Variants in RIMKLB observed in about 807,000 individuals in gnomAD.
RIMKLB encodes the protein beta-citrylglutamate synthase B.
RIMKLB carries 7 observed loss-of-function variants against 32.0 expected under a neutral mutation model. The ratio of observed to expected loss-of-function variants is 0.22; its 90% confidence interval spans 0.12 to 0.41. The LOEUF (loss-of-function observed/expected upper bound fraction) is 0.41, where lower values mean the gene tolerates loss of function less well. Among genes scored for constraint, RIMKLB ranks in the 10% least tolerant of loss-of-function variants. The pLI is 1.00. For synonymous variants in RIMKLB, 172 were observed against 185.1 expected, an observed-to-expected ratio of 0.93 and a Z score of 0.57; for missense variants, 289 against 498.7, an observed-to-expected ratio of 0.58 and a Z score of 4.00.
intron 2 of RIMKLB, among the ~76,000 whole-genome samples, chr12:8,729,263 G>A (rs886898297): frequency 2.1e-4 from 32 of 151,916 alleles, no homozygotes; most frequent in African/African-American, 6.8e-4. Context: ...GAATCAGGTC[G>A]CATAAGTGAA....
At chr12:8,755,613 A>C (rs1948959258) in intron 5 of RIMKLB, among the ~76,000 whole-genome samples, 1 of 152,156 alleles carries the variant, frequency 6.6e-6, no homozygotes, top group African/African-American at 2.4e-5. Flanking sequence ...TAGCCCCTTA[A>C]GGGGTCTTCT....
chr12:8,751,113 GT>G (rs1291165727), intron 3 of RIMKLB, among the ~76,000 whole-genome samples: 1 of 152,128 alleles, frequency 6.6e-6, no homozygotes, highest in African/African-American at 2.4e-5. Flanking sequence ...TGAGAATTCT[GT>G]GTTTTTAGTG....
At chr12:8,684,514 G>C (rs977855950) in intron 1 of RIMKLB, among the ~76,000 whole-genome samples, 1 of 151,866 alleles carries the variant, frequency 6.6e-6, no homozygotes, top group Admixed American at 6.6e-5. Flanking sequence ...GGTATCTTTT[G>C]CATTTTGCAT....
chr12:8,696,317 G>A (rs1942888587), upstream of RIMKLB, among the ~76,000 whole-genome samples: 1 of 152,164 alleles, frequency 6.6e-6, no homozygotes, highest in Non-Finnish European at 1.5e-5. Context: ...TATCAGAGTG[G>A]AAGTAAATAG....
At chr12:8,701,105 T>G (rs997821262) in intron 1 of RIMKLB, among the ~76,000 whole-genome samples, 4 of 152,074 alleles carry the variant, frequency 2.6e-5, no homozygotes, top group African/African-American at 7.2e-5. Context: ...TATTAGAATC[T>G]GAGGGAGGAG....
chr12:8,693,276 A>G (rs910208554), upstream of RIMKLB, among the ~76,000 whole-genome samples: 1 of 152,214 alleles, frequency 6.6e-6, no homozygotes, highest in Non-Finnish European at 1.5e-5. Context: ...TAACTCTGTT[A>G]GGGAAGATTT....
intron 2 of RIMKLB, among the ~76,000 whole-genome samples, chr12:8,732,053 G>T: frequency 6.6e-6 from 1 of 151,782 alleles, no homozygotes; most frequent in Non-Finnish European, 1.5e-5. Flanking sequence ...AGTAACTTTG[G>T]TTGCTTCTGC....
intron 2 of RIMKLB, among the ~76,000 whole-genome samples, chr12:8,746,960 C>T (rs776673854): frequency 3.3e-5 from 5 of 152,142 alleles, no homozygotes; most frequent in South Asian, 2.1e-4. Context: ...AGGCTAGTTT[C>T]GAATTCCTAA....
At chr12:8,685,134 C>T (rs979955474) in intron 1 of RIMKLB, among the ~76,000 whole-genome samples, 1 of 152,078 alleles carries the variant, frequency 6.6e-6, no homozygotes, top group African/African-American at 2.4e-5. Flanking sequence ...CATTTTATTT[C>T]CTTTTCATGT....
chr12:8,760,389 T>C (rs1949418572), intron 5 of RIMKLB, among the ~76,000 whole-genome samples: 1 of 152,232 alleles, frequency 6.6e-6, no homozygotes, highest in Non-Finnish European at 1.5e-5. Flanking sequence ...TTGTGAATAG[T>C]GCCACAATAA....
intron 1 of RIMKLB, among the ~76,000 whole-genome samples, chr12:8,710,546 T>G (rs1944290296): frequency 6.6e-6 from 1 of 152,108 alleles, no homozygotes. Flanking sequence ...GACCAAGTGA[T>G]CCGCCCACCT....
intron 2 of RIMKLB, among the ~76,000 whole-genome samples, chr12:8,735,110 A>G (rs1426838622): frequency 6.6e-6 from 1 of 152,238 alleles, no homozygotes; most frequent in Non-Finnish European, 1.5e-5. Flanking sequence ...GAAAGTTTGT[A>G]GGTCAAATCA....
At chr12:8,707,544 C>T (rs112781085) in intron 1 of RIMKLB, among the ~76,000 whole-genome samples, 5,092 of 152,220 alleles carry the variant, frequency 0.033, 294 homozygotes, top group African/African-American at 0.12. Flanking sequence ...CTTCGTTACA[C>T]AGGCATGATT....
At chr12:8,728,176 G>A (rs926920971) in intron 2 of RIMKLB, among the ~76,000 whole-genome samples, 4 of 152,112 alleles carry the variant, frequency 2.6e-5, no homozygotes, top group Non-Finnish European at 5.9e-5. Context: ...GAAGTCTTTA[G>A]CCTATAAATC....
At chr12:8,750,731 C>G (rs1490175851) in intron 3 of RIMKLB, among the ~76,000 whole-genome samples, 1 of 152,024 alleles carries the variant, frequency 6.6e-6, no homozygotes, top group Non-Finnish European at 1.5e-5. Context: ...GCTGCCTACC[C>G]TTTTTGTATT....
intron 1 of RIMKLB, among the ~76,000 whole-genome samples, chr12:8,686,646 AT>A (rs140536302): frequency 0.034 from 5,125 of 150,090 alleles, 285 homozygotes; most frequent in African/African-American, 0.12. Flanking sequence ...CGCCCGGCTA[AT>A]TTTTTTTTGT....
At chr12:8,781,651 T>C (rs928407410), downstream of RIMKLB, among the ~76,000 whole-genome samples, 3 of 152,204 alleles carry the variant, frequency 2.0e-5, no homozygotes, top group Non-Finnish European at 2.9e-5. Context: ...CATTCAGTCC[T>C]GAATTTTAAT....
intron 5 of RIMKLB, among the ~76,000 whole-genome samples, chr12:8,770,673 C>T (rs1258391514): frequency 6.6e-6 from 1 of 152,186 alleles, no homozygotes; most frequent in Non-Finnish European, 1.5e-5. Flanking sequence ...TCTATTCTCT[C>T]ATTCAACAAC....
chr12:8,774,084 C>CTT lies in RIMKLB; in HGVS notation c.*310_*311dup, dbSNP rs765428385. ...GCTCATAGGCCATGAGGAACAAATA[C>CTT]TTTTTTTTTTTCATGGTCCCTTGCT... On this transcript the variant is annotated 3_prime_UTR_variant, in exon 6 of 6. Transcript: ENST00000535829. 32 of 851,106 alleles carry CTT rather than the reference C, an allele frequency of 3.8e-5. No homozygotes were observed. Among genetic ancestry groups the CTT allele is most frequent in the African/African-American group, 2.5e-4 (14 of 54,936 alleles). The allele number at this position is 851,106 out of a possible 1,614,324, so 52.7% of individuals were successfully genotyped here. A position where few individuals can be genotyped will look rare whatever the true frequency, so the allele number is the denominator to read the frequency against.
Sources: gnomAD v4.1 joint callset for allele counts (sites outside exome capture counted in the v4.1 genomes callset) on GRCh38, gnomAD v4.1.1 for gene constraint, MANE v1.5 for transcripts, NCBI Gene and HGNC (gene_info 2026-07-23, HGNC 2026-07-21) for gene names.